Variants in CLEC16A observed in about 807,000 individuals in gnomAD.
CLEC16A encodes the protein protein CLEC16A.
CLEC16A carries 51 observed loss-of-function variants against 109.5 expected under a neutral mutation model. That is an observed-to-expected ratio of 0.47 (90% CI 0.37 to 0.59). CLEC16A has a LOEUF of 0.59. CLEC16A is among the 20% of genes least tolerant of loss of function. The pLI, the probability that CLEC16A is intolerant of heterozygous loss-of-function variation, is 0.00. For missense variants in CLEC16A, 1,339 were observed against 1,394.0 expected, an observed-to-expected ratio of 0.96 and a Z score of 0.63; for synonymous variants, 673 against 564.2, an observed-to-expected ratio of 1.19 and a Z score of -2.73.
chr16:11,161,737 C>A (rs578234069), intron 22 of CLEC16A, among the ~76,000 whole-genome samples: 3 of 152,206 alleles, frequency 2.0e-5, no homozygotes, highest in Non-Finnish European at 4.4e-5. Flanking sequence ...TGCTGTCCTG[C>A]AGGAATGGGG....
intron 18 of CLEC16A, among the ~76,000 whole-genome samples, chr16:11,057,825 T>C (rs1358654102): frequency 2.0e-5 from 3 of 152,250 alleles, no homozygotes; most frequent in African/African-American, 4.8e-5. Context: ...GCTTGGAATC[T>C]AGTTATTCAC....
At position 11,174,561 on chromosome 16, in the gene CLEC16A, C is replaced by G. The variant is rs1262368180; in HGVS notation, c.2807-3774C>G. Reference sequence around the variant, plus strand: ...GACCTGTACAGCCTGGAAACGCTGTCCTTCTCTGTGACATGTGCACCAGTG... The same window carrying G: ...GACCTGTACAGCCTGGAAACGCTGTGCTTCTCTGTGACATGTGCACCAGTG... On this transcript the variant is annotated intron_variant, in intron 23 of 23. Transcript: ENST00000409790. The surrounding 1 kb of genome is among the most constrained non-coding windows in gnomAD (Gnocchi z 4.7). Among the ~76,000 whole-genome samples, 1 of 152,248 alleles carries G rather than the reference C, an allele frequency of 6.6e-6. No homozygotes were observed. The highest frequency in any genetic ancestry group is 2.4e-5 in the African/African-American group (1 of 41,462).
At chr16:11,168,899 G>C (rs1374587461) in intron 23 of CLEC16A, among the ~76,000 whole-genome samples, 1 of 152,268 alleles carries the variant, frequency 6.6e-6, no homozygotes, top group Non-Finnish European at 1.5e-5. Context: ...CAGCATTCAG[G>C]CTTCTGATGA....
intron 23 of CLEC16A, among the ~76,000 whole-genome samples, chr16:11,173,462 G>A (rs1197982722): frequency 6.7e-6 from 1 of 148,186 alleles, no homozygotes; most frequent in African/African-American, 2.5e-5. Context: ...CTGGCACCTG[G>A]TCTCCGCTCT....
chr16:11,102,677 T>A (rs1230820477), intron 19 of CLEC16A, among the ~76,000 whole-genome samples: 1 of 152,220 alleles, frequency 6.6e-6, no homozygotes, highest in East Asian at 1.9e-4. Flanking sequence ...CCACACAGCC[T>A]AGTAAGTGGC....
At chr16:11,075,402 G>GTGTGTGTC (rs1555478873) in intron 19 of CLEC16A, among the ~76,000 whole-genome samples, 161 of 138,016 alleles carry the variant, frequency 1.2e-3, no homozygotes, top group African/African-American at 4.3e-3. Context: ...GTGTGTGTGT[G>GTGTGTGTC]TGTGTGTGTC....
intron 22 of CLEC16A, among the ~76,000 whole-genome samples, chr16:11,138,720 C>CA (rs2053684418): frequency 6.6e-6 from 1 of 152,194 alleles, no homozygotes; most frequent in South Asian, 2.1e-4. Flanking sequence ...CCACTGTTTT[C>CA]ACTCAACAGC....
Position 10,961,449 on chromosome 16 carries a change from C to A in CLEC16A, c.210-1006C>A, listed in dbSNP as rs1397643187. On this transcript the variant is annotated intron_variant, in intron 2 of 23. Transcript: ENST00000409790. This position sits in a 1 kb window ranked among gnomAD's most constrained non-coding sequence, Gnocchi z 4.3. ...GCACACCTCATTTCTTCCAAGTGTC[C>A]CAGATGCAAGATTATCTGGTGTTAG... Among the ~76,000 whole-genome samples, 1 of 152,128 alleles carries A rather than the reference C, an allele frequency of 6.6e-6. No individual in the cohort carries two copies. The highest frequency in any genetic ancestry group is 1.9e-4 in the East Asian group (1 of 5,196).
intron 8 of CLEC16A, among the ~76,000 whole-genome samples, chr16:10,977,679 A>G (rs776316617): frequency 2.6e-5 from 4 of 151,952 alleles, no homozygotes; most frequent in Admixed American, 6.6e-5. Context: ...ACGCCTGACT[A>G]ATTTTTGTAC....
intron 22 of CLEC16A, among the ~76,000 whole-genome samples, chr16:11,130,784 C>G (rs1411003875): frequency 6.6e-6 from 1 of 152,218 alleles, no homozygotes; most frequent in Admixed American, 6.5e-5. Flanking sequence ...AAGAAAACAA[C>G]TCTGGCTGCT....
intron 22 of CLEC16A, among the ~76,000 whole-genome samples, chr16:11,148,012 C>G (rs2153075420): frequency 6.6e-6 from 1 of 152,268 alleles, no homozygotes; most frequent in Admixed American, 6.5e-5. Context: ...GTAAAATAGC[C>G]TCCTGTTTCC....
Position 11,020,299 on chromosome 16 carries a change from C to G in CLEC16A, c.1410C>G (p.Thr470=), listed in dbSNP as rs370546327. ...ACGAGGAGAAAAGCGCCGCCGCCAC[C>G]TGCTCTGAGAGCACGCAATGGAGCA... is the stretch of plus-strand genomic sequence containing the variant. ...TTDEEKSAAA[T]CSESTQWSRP... is the part of the protein sequence containing the mutation. Residue 470 remains threonine, a synonymous_variant, in exon 12 of 24, where the codon ACC becomes ACG. Transcript: ENST00000409790. 5.0e-6 allele frequency: 8 copies of G among 1,612,892 alleles called. No individual in the cohort carries two copies. Among genetic ancestry groups the G allele is most frequent in the Non-Finnish European group, 5.1e-6 (6 of 1,179,488 alleles).
intron 19 of CLEC16A, among the ~76,000 whole-genome samples, chr16:11,120,152 G>A (rs1005478443): frequency 6.6e-6 from 1 of 152,266 alleles, no homozygotes; most frequent in Non-Finnish European, 1.5e-5. Context: ...TGTAGTTTTA[G>A]TAGAGACAGG....
chr16:11,027,609 G>A (rs1294485395), intron 13 of CLEC16A: 1 of 1,559,506 alleles, frequency 6.4e-7, no homozygotes, highest in East Asian at 2.2e-5. Flanking sequence ...TGCATTCCCA[G>A]GGAAGCATTT....
chr16:11,117,772 A>G (rs1245941456), intron 19 of CLEC16A, among the ~76,000 whole-genome samples: 1 of 152,136 alleles, frequency 6.6e-6, no homozygotes, highest in African/African-American at 2.4e-5. Flanking sequence ...ATCTGGTGGG[A>G]AAAAATTGCA....
chr16:11,011,515 T>G lies in CLEC16A; in HGVS notation c.1303+8210T>G, dbSNP rs575470816. 5.3e-5 allele frequency among the ~76,000 whole-genome samples: 8 copies of G among 152,306 alleles called. No homozygotes were observed. In the East Asian group the frequency reaches 1.5e-3, roughly 29 times the overall value. ...ATTTTTTGAGCAGTCACTTACACTTTCTGGCATAACATGGTGTTCTGTGTT... is the reference window on the plus strand; with the variant it reads ...ATTTTTTGAGCAGTCACTTACACTTGCTGGCATAACATGGTGTTCTGTGTT... On this transcript the variant is annotated intron_variant, in intron 11 of 23. Coordinates refer to ENST00000409790, the MANE Select transcript of CLEC16A (RefSeq NM_015226.3).
At chr16:11,170,157 T>C (rs569518249) in intron 23 of CLEC16A, among the ~76,000 whole-genome samples, 108 of 152,330 alleles carry the variant, frequency 7.1e-4, no homozygotes, top group African/African-American at 2.6e-3. Flanking sequence ...ATCTGGATCC[T>C]GGTTGGAGGC....
rs1456097665 is a variant in CLEC16A, at chr16:11,042,315, G to A, written c.1722G>A (p.Leu574=). ...GCCTGCTTCTGAAGCAGCAAGTCCTGATGAGTGCTGGCTGCATCATGAAGG... is the reference window on the plus strand; with the variant it reads ...GCCTGCTTCTGAAGCAGCAAGTCCTAATGAGTGCTGGCTGCATCATGAAGG... ...LSCLLLKQQV[L]MSAGCIMKDV... is the part of the protein sequence containing the mutation. The change falls in exon 15 of 24, where the codon CTG becomes CTA. Residue 574 remains leucine, a synonymous_variant. Transcript: ENST00000409790. 4 of 1,594,088 alleles carry A rather than the reference G, an allele frequency of 2.5e-6. No individual in the cohort carries two copies. The highest frequency in any genetic ancestry group is 2.3e-5 in the East Asian group (1 of 43,842).
At chr16:11,123,576 C>T (rs931280713) in intron 20 of CLEC16A, among the ~76,000 whole-genome samples, 166 bp from the exon 21 acceptor site, 1 of 152,202 alleles carries the variant, frequency 6.6e-6, no homozygotes, top group Non-Finnish European at 1.5e-5. Context: ...CCTGGTCTGC[C>T]TTGTGCCCAT....
Sources: gnomAD v4.1 joint callset for allele counts (sites outside exome capture counted in the v4.1 genomes callset) on GRCh38, gnomAD v4.1.1 for gene constraint, Gnocchi (gnomAD v3.1) non-coding constraint, MANE v1.5 for transcripts, NCBI Gene and HGNC (gene_info 2026-07-23, HGNC 2026-07-21) for gene names.